Variants in KYNU observed in about 807,000 individuals in gnomAD.
KYNU encodes the protein L-kynurenine hydrolase.
In KYNU, 54 loss-of-function variants were observed where a neutral mutation model predicts 59.2. The ratio of observed to expected loss-of-function variants is 0.91; its 90% CI spans 0.73 to 1.14. KYNU has a LOEUF of 1.14. Ranked by LOEUF, KYNU falls within the 50% of genes most tolerant of loss-of-function variation. The probability of loss-of-function intolerance (pLI) is 0.00; values close to 1 mark genes in which losing one functional copy is unlikely to be tolerated. For missense variants in KYNU, 567 were observed against 554.4 expected (o/e 1.02, Z -0.23); for synonymous variants, 177 against 192.0 (o/e 0.92, Z 0.65).
intron 2 of KYNU, among the ~76,000 whole-genome samples, chr2:142,913,319 G>A (rs1682562897): frequency 6.6e-6 from 1 of 152,050 alleles, no homozygotes; most frequent in Admixed American, 6.6e-5. Flanking sequence ...TACTGATGTA[G>A]GTGCTTAGCA....
At chr2:143,025,746 A>G (rs1260662312) in intron 10 of KYNU, among the ~76,000 whole-genome samples, 2 of 152,136 alleles carry the variant, frequency 1.3e-5, no homozygotes, top group African/African-American at 2.4e-5. Context: ...CAATATAGGC[A>G]GAAGAACCAT....
intron 2 of KYNU, 38 bp downstream of exon 2, chr2:142,885,574 T>C (rs1446655182): frequency 1.3e-6 from 2 of 1,526,036 alleles, no homozygotes; most frequent in African/African-American, 1.4e-5. Flanking sequence ...TTTATTTATT[T>C]ATTTATTTTT....
At chr2:142,975,982 A>T (rs1161735397) in intron 8 of KYNU, among the ~76,000 whole-genome samples, 1 of 152,166 alleles carries the variant, frequency 6.6e-6, no homozygotes, top group East Asian at 1.9e-4. Flanking sequence ...TTCAAAATTA[A>T]TGTCACAGGT....
At chr2:142,974,426 A>G (rs1476741692) in intron 8 of KYNU, among the ~76,000 whole-genome samples, 1 of 152,246 alleles carries the variant, frequency 6.6e-6, no homozygotes, top group Non-Finnish European at 1.5e-5. Flanking sequence ...TAAGAAAAAC[A>G]GGAAAGGCAG....
rs533616268 is a variant in KYNU at position 142,879,702 on chromosome 2, A to G, written c.-20+1966A>G. The stretch of plus-strand genomic sequence containing the variant: ...CTACTGTGCACTCTGCTATCCTTTT[A>G]GTCCACTGGTTTCTACTCTGTCTGT... On this transcript the variant is annotated intron_variant, in intron 1 of 13. Coordinates refer to ENST00000264170, the MANE Select transcript of KYNU (RefSeq NM_003937.3). 11 of 152,318 alleles carry G rather than the reference A, an allele frequency of 7.2e-5. No homozygotes were observed. The South Asian group carries it at 2.3e-3, about 32-fold the overall frequency. The allele number at this position is 152,318 out of a possible 1,614,324, so 9.4% of individuals were successfully genotyped here.
At chr2:142,915,952 G>A (rs1221207706) in intron 2 of KYNU, among the ~76,000 whole-genome samples, 3 of 152,000 alleles carry the variant, frequency 2.0e-5, no homozygotes, top group African/African-American at 7.3e-5. Flanking sequence ...ATAAAAGGGG[G>A]AAATCGGGAA....
chr2:143,015,346 C>T (rs78028049), intron 10 of KYNU, among the ~76,000 whole-genome samples: 13,682 of 151,940 alleles, frequency 0.09, 853 homozygotes, highest in African/African-American at 0.17. Flanking sequence ...TGTGGGGAAA[C>T]CAAATTACCT....
At position 143,005,497 on chromosome 2, in the gene KYNU, T is replaced by A. The variant is rs561023701; in HGVS notation, c.902+19476T>A. 7.2e-5 allele frequency among the ~76,000 whole-genome samples: 11 copies of A among 151,840 alleles called. No homozygotes were observed. In the South Asian group the frequency reaches 2.1e-3, roughly 29 times the overall value. ...GTCACATGTGCATCTATAATAGGAG[T>A]GAGAACTTGACGAAAAAATAAGAAG... On this transcript the variant is annotated intron_variant, in intron 10 of 13. Coordinates refer to ENST00000264170, the MANE Select transcript of KYNU (RefSeq NM_003937.3).
chr2:142,948,293 A>G (rs1230523449), intron 4 of KYNU, among the ~76,000 whole-genome samples: 1 of 152,300 alleles, frequency 6.6e-6, no homozygotes, highest in East Asian at 1.9e-4. Flanking sequence ...CAAAGAATTG[A>G]AGAGAATTGG....
At chr2:142,886,343 T>A (rs1681513908) in intron 2 of KYNU, among the ~76,000 whole-genome samples, 1 of 152,204 alleles carries the variant, frequency 6.6e-6, no homozygotes, top group African/African-American at 2.4e-5. Context: ...GGTCAGCTAA[T>A]ACAATTTTAG....
intron 2 of KYNU, among the ~76,000 whole-genome samples, chr2:142,907,934 T>TA (rs1390460691): frequency 8.5e-5 from 13 of 152,108 alleles, no homozygotes; most frequent in Admixed American, 1.3e-4. Flanking sequence ...ACAAGCCATT[T>TA]AAAAAAAATT....
At chr2:142,943,164 C>T (rs1683656556) in intron 4 of KYNU, among the ~76,000 whole-genome samples, 1 of 152,154 alleles carries the variant, frequency 6.6e-6, no homozygotes, top group Non-Finnish European at 1.5e-5. Flanking sequence ...GCCTGACCAT[C>T]ACCTGACATT....
At chr2:142,886,283 T>C (rs114600781) in intron 2 of KYNU, among the ~76,000 whole-genome samples, 1,986 of 152,356 alleles carry the variant, frequency 0.013, 19 homozygotes, top group Non-Finnish European at 0.021. Context: ...TCCATTTTTA[T>C]TCAGATTAAA....
At position 143,049,124 on chromosome 2, in the gene KYNU, G is replaced by A. The variant is rs1687218600; in HGVS notation, c.*6952G>A. ...CTATTATTTCCTTTTTAAAATAAAA[G>A]GGTATATGTTAGAATTTTTCACTCT... On this transcript the variant is annotated 3_prime_UTR_variant, in exon 14 of 14. Transcript: ENST00000264170. 1 of 151,974 alleles carries A rather than the reference G, an allele frequency of 6.6e-6. No individual in the cohort carries two copies. Among genetic ancestry groups the A allele is most frequent in the South Asian group, 2.1e-4 (1 of 4,816 alleles). The allele number at this position is 151,974 out of a possible 1,614,324, so 9.4% of individuals were successfully genotyped here.
In KYNU at chr2:142,932,609, CTG is replaced by C. The variant is rs1442557505; in HGVS notation, c.373+4870_373+4871del. Among the ~76,000 whole-genome samples, 17 of 152,010 alleles carry C rather than the reference CTG, an allele frequency of 1.1e-4. No individual in the cohort carries two copies. In the East Asian group the frequency reaches 3.3e-3, roughly 29 times the overall value. ...GTTTTTTCCAGGTAGACGAGTGTGACTGTACTATATGGAACGTATAATGAATG... is the reference window on the plus strand; with the variant it reads ...GTTTTTTCCAGGTAGACGAGTGTGACTACTATATGGAACGTATAATGAATG... On this transcript the variant is annotated intron_variant, in intron 4 of 13. Coordinates refer to ENST00000264170, the MANE Select transcript of KYNU (RefSeq NM_003937.3).
chr2:142,943,974 C>T (rs1055962372), intron 4 of KYNU, among the ~76,000 whole-genome samples: 1 of 152,162 alleles, frequency 6.6e-6, no homozygotes, highest in Non-Finnish European at 1.5e-5. Flanking sequence ...TGGTAAACAG[C>T]TTGGGGCCTT....
chr2:142,956,980 A>G (rs1684185963), intron 6 of KYNU, among the ~76,000 whole-genome samples: 1 of 152,100 alleles, frequency 6.6e-6, no homozygotes, highest in East Asian at 1.9e-4. Flanking sequence ...TCGTCTCTAT[A>G]AAGTAAATAA....
At chr2:142,879,785 A>G (rs1218887299) in intron 1 of KYNU, 1 of 152,254 alleles carries the variant, frequency 6.6e-6, no homozygotes, top group East Asian at 1.9e-4. Flanking sequence ...GATTATTACA[A>G]GCATTAAATA....
chr2:143,003,148 G>A (rs1348867299), intron 10 of KYNU, among the ~76,000 whole-genome samples: 7 of 152,256 alleles, frequency 4.6e-5, no homozygotes, highest in Non-Finnish European at 5.9e-5. Context: ...CATTAAATAA[G>A]CAATTACTTT....
Sources: gnomAD v4.1 joint callset for allele counts (sites outside exome capture counted in the v4.1 genomes callset) on GRCh38, gnomAD v4.1.1 for gene constraint, MANE v1.5 for transcripts, NCBI Gene and HGNC (gene_info 2026-07-23, HGNC 2026-07-21) for gene names.